RGS22: variants seen among roughly 807,000 people sequenced by gnomAD.
The protein encoded by RGS22 is regulator of G-protein signaling 22.
RGS22 carries 148 observed loss-of-function variants against 172.9 expected under a neutral mutation model. That is an observed-to-expected ratio of 0.86 (90% CI 0.75 to 0.98). The LOEUF (loss-of-function observed/expected upper bound fraction) is 0.98. RGS22 is among the 50% of genes least tolerant of loss of function. The probability of loss-of-function intolerance (pLI) is 0.00; values close to 1 mark genes in which losing one functional copy is unlikely to be tolerated. For missense variants in RGS22, 1,347 were observed against 1,440.8 expected (o/e 0.93, Z 1.05); for synonymous variants, 458 against 480.2 (o/e 0.95, Z 0.60).
At chr8:100,085,523 A>G (rs1169193595) in intron 3 of RGS22, among the ~76,000 whole-genome samples, 1 of 152,196 alleles carries the variant, frequency 6.6e-6, no homozygotes, top group Non-Finnish European at 1.5e-5. Context: ...ACATCCATAA[A>G]GTTGTCTTCA....
At chr8:100,077,946 C>A (rs1366109078) in intron 4 of RGS22, among the ~76,000 whole-genome samples, 5 of 151,910 alleles carry the variant, frequency 3.3e-5, no homozygotes, top group African/African-American at 1.2e-4. Flanking sequence ...GTGAATTGAC[C>A]CTCCCCCCTT....
intron 8 of RGS22, 38 bp downstream of exon 8, chr8:100,063,378 G>C (rs981498549): frequency 7.1e-7 from 1 of 1,406,454 alleles, no homozygotes; most frequent in Non-Finnish European, 9.5e-7. Context: ...TTCATAATTT[G>C]TTTTTAAAAC....
intron 14 of RGS22, among the ~76,000 whole-genome samples, chr8:100,021,274 T>C (rs543714119): frequency 6.6e-6 from 1 of 152,314 alleles, no homozygotes; most frequent in East Asian, 1.9e-4. Flanking sequence ...AAATATACAG[T>C]AAAGGCCCTG....
chr8:100,055,091 A>G (rs1470188851), intron 9 of RGS22, among the ~76,000 whole-genome samples: 1 of 152,332 alleles, frequency 6.6e-6, no homozygotes, highest in East Asian at 1.9e-4. Context: ...GCCACCCTGA[A>G]GGGAAGGACA....
At chr8:99,999,453 G>C in intron 18 of RGS22, 33 bp from the exon 19 acceptor site, 1 of 1,604,160 alleles carries the variant, frequency 6.2e-7, no homozygotes, top group Non-Finnish European at 8.5e-7. Context: ...AGAAACTATT[G>C]TGCTTTCTAA....
chr8:99,984,081 T>G (rs1449272738), intron 21 of RGS22, among the ~76,000 whole-genome samples: 1 of 152,146 alleles, frequency 6.6e-6, no homozygotes, highest in African/African-American at 2.4e-5. Context: ...CCCAGGAGTT[T>G]GAGACCATCC....
chr8:100,062,450 A>G, intron 9 of RGS22, 141 bp downstream of exon 9: 1 of 584,060 alleles, frequency 1.7e-6, no homozygotes, highest in Non-Finnish European at 3.0e-6. Flanking sequence ...TCTAAAGGAC[A>G]AGTACCTTAA....
At chr8:100,077,002 G>GA (rs906789533) in intron 4 of RGS22, among the ~76,000 whole-genome samples, 13 of 149,768 alleles carry the variant, frequency 8.7e-5, no homozygotes, top group East Asian at 3.9e-4. Context: ...CAAAAAAAAA[G>GA]AAAAAAAAAG....
chr8:100,088,682 C>T (rs1392927573), intron 3 of RGS22, among the ~76,000 whole-genome samples: 2 of 152,090 alleles, frequency 1.3e-5, no homozygotes, highest in Non-Finnish European at 2.9e-5. Context: ...TGGAGGCAGG[C>T]TACCAGCCAC....
intron 20 of RGS22, among the ~76,000 whole-genome samples, chr8:99,989,857 CAGACAGATAGATAGAT>C (rs1813500525): frequency 7.3e-6 from 1 of 137,740 alleles, no homozygotes; most frequent in African/African-American, 2.7e-5. Flanking sequence ...GATAGATAGA[CAGACAGATAGATAGAT>C]AGATAGATAG....
chr8:100,065,505 G>T (rs1810474916), intron 7 of RGS22, among the ~76,000 whole-genome samples: 2 of 152,150 alleles, frequency 1.3e-5, no homozygotes, highest in South Asian at 4.1e-4. Context: ...TTCTTAAAGA[G>T]ATTAGTTAAG....
Position 99,977,934 on chromosome 8 carries a change from C to G in RGS22, c.3502G>C (p.Asp1168His). Residue 1168 changes from aspartate (D) to histidine (H), a missense_variant, in exon 23 of 28, where the codon GAC becomes CAC. Physicochemically the swap from Asp to His is moderately conservative, Grantham distance 81 (BLOSUM62 -1). Coordinates refer to ENST00000360863, the MANE Select transcript of RGS22 (RefSeq NM_015668.5). ...TGTCTCACCTTTCCAGATTTTTCGT[C>G]TTCTAGGACTGCCAATTTTTTTTTC... ...KQKKKLAVLE[D>H]EKSGKDGIKQ... 1 of 1,564,440 alleles carries G rather than the reference C, an allele frequency of 6.4e-7. No homozygotes were observed. The highest frequency in any genetic ancestry group is 8.6e-7 in the Non-Finnish European group (1 of 1,164,506).
intron 14 of RGS22, among the ~76,000 whole-genome samples, chr8:100,015,914 T>A (rs1816898096): frequency 6.6e-6 from 1 of 152,230 alleles, no homozygotes. Context: ...CTGCAGTCTC[T>A]AGGAGCTATA....
At chr8:100,054,969 T>C (rs1822095227) in intron 9 of RGS22, among the ~76,000 whole-genome samples, 1 of 152,116 alleles carries the variant, frequency 6.6e-6, no homozygotes, top group Admixed American at 6.5e-5. Flanking sequence ...ATGCTTTGAG[T>C]GTCAGCTCAG....
intron 23 of RGS22, among the ~76,000 whole-genome samples, chr8:99,974,850 T>TA (rs1448417791): frequency 6.7e-6 from 1 of 150,276 alleles, no homozygotes; most frequent in African/African-American, 2.5e-5. Context: ...CCCTATGCAT[T>TA]AAAAAAAGTC....
intron 7 of RGS22, among the ~76,000 whole-genome samples, chr8:100,065,058 G>A (rs537455277): frequency 2.6e-5 from 4 of 152,248 alleles, no homozygotes; most frequent in South Asian, 2.1e-4. Flanking sequence ...GTAAATCTGC[G>A]CCTTGAATTG....
chr8:99,971,906 G>C (rs892477899), intron 23 of RGS22, among the ~76,000 whole-genome samples: 1 of 151,896 alleles, frequency 6.6e-6, no homozygotes, highest in Non-Finnish European at 1.5e-5. Context: ...CTACTTTAAG[G>C]TTCCTATGGA....
At chr8:100,057,582 T>C (rs1230020295) in intron 9 of RGS22, among the ~76,000 whole-genome samples, 1 of 152,086 alleles carries the variant, frequency 6.6e-6, no homozygotes, top group Admixed American at 6.5e-5. Flanking sequence ...ATAAGACTCA[T>C]GAGATCTGAT....
chr8:99,999,211 T>C, intron 19 of RGS22, 51 bp downstream of exon 19: 1 of 1,530,344 alleles, frequency 6.5e-7, no homozygotes, highest in Admixed American at 1.9e-5. Flanking sequence ...ACATTTGAAG[T>C]TTTCAGAGGT....
Sources: gnomAD v4.1 joint callset for allele counts (sites outside exome capture counted in the v4.1 genomes callset) on GRCh38, gnomAD v4.1.1 for gene constraint, MANE v1.5 for transcripts, NCBI Gene and HGNC (gene_info 2026-07-23, HGNC 2026-07-21) for gene names.